ITGB2: variants seen among roughly 807,000 people sequenced by gnomAD.
ITGB2 encodes the protein integrin beta-2.
ITGB2 carries 56 observed loss-of-function variants against 86.8 expected under a neutral mutation model. The observed-to-expected ratio is 0.65, with a 90% CI of 0.52 to 0.81. The LOEUF is 0.81. Among genes scored for constraint, ITGB2 ranks in the 30% least tolerant of loss-of-function variants. The probability of loss-of-function intolerance (pLI) is 0.00; values close to 1 mark genes in which losing one functional copy is unlikely to be tolerated. For missense variants in ITGB2, 948 were observed against 1,061.2 expected, an observed-to-expected ratio of 0.89 and a Z score of 1.48; for synonymous variants, 457 against 450.4, an observed-to-expected ratio of 1.01 and a Z score of -0.19.
At chr21:44,904,721 C>G (rs1242059260) in intron 4 of ITGB2, among the ~76,000 whole-genome samples, 1 of 151,948 alleles carries the variant, frequency 6.6e-6, no homozygotes, top group Admixed American at 6.6e-5. Context: ...ACATGCATGC[C>G]ACACACATAT....
Position 44,886,212 on chromosome 21 carries a change from A to AGT in ITGB2, c.*155_*156insAC. On this transcript the variant is annotated 3_prime_UTR_variant, in exon 16 of 16. Coordinates refer to ENST00000652462, the MANE Select transcript of ITGB2 (RefSeq NM_000211.5). ...GCTGTCCCCCCGACGAGCCCCCAGA[A>AGT]GCACCCGGCCGGCCATGGCTGTCAT... is the stretch of plus-strand genomic sequence containing the variant. 1.4e-6 allele frequency: 1 copy of AGT among 728,424 alleles called. No individual in the cohort carries two copies. Among genetic ancestry groups the AGT allele is most frequent in the Non-Finnish European group, 2.4e-6 (1 of 409,040 alleles). 45.1% of individuals were successfully genotyped at this position (728,424 alleles called of 1,614,324 possible). A position where few individuals can be genotyped will look rare whatever the true frequency, so the allele number is the denominator to read the frequency against.
intron 3 of ITGB2, chr21:44,909,281 C>T (rs1356560666): frequency 6.6e-6 from 1 of 152,308 alleles, no homozygotes; most frequent in Non-Finnish European, 1.5e-5. Flanking sequence ...CAGTGCCTCT[C>T]ATGGGCACTT....
upstream of ITGB2, among the ~76,000 whole-genome samples, chr21:44,925,646 T>C (rs2084363847): frequency 6.6e-6 from 1 of 152,048 alleles, no homozygotes; most frequent in African/African-American, 2.4e-5. Flanking sequence ...TTAAATAATA[T>C]TCAAAATGTC....
At chr21:44,924,886 C>G (rs2084352274), upstream of ITGB2, among the ~76,000 whole-genome samples, 1 of 152,148 alleles carries the variant, frequency 6.6e-6, no homozygotes, top group Non-Finnish European at 1.5e-5. Context: ...TAACATGCAC[C>G]TCGTCCCTGC....
intron 8 of ITGB2, among the ~76,000 whole-genome samples, chr21:44,898,855 G>A (rs532328701): frequency 6.6e-6 from 1 of 152,350 alleles, no homozygotes; most frequent in East Asian, 1.9e-4. Flanking sequence ...TCAGGGACGG[G>A]GAGGAATTCC....
rs965651529 is a variant in ITGB2 at position 44,917,682 on chromosome 21, T to C, written c.-4+3139A>G. On this transcript the variant is annotated intron_variant, in intron 1 of 15. Transcript: ENST00000652462. ...GGGGCTGAGAGCTGCACTCCAGGAC[T>C]CCTGGACTCTGCCCTCTGCTGAGAC... 3.3e-5 allele frequency among the ~76,000 whole-genome samples: 5 copies of C among 152,274 alleles called. No individual in the cohort carries two copies. In the East Asian group the frequency reaches 5.8e-4, roughly 18 times the overall value.
chr21:44,912,471 G>A (rs2084148699), intron 1 of ITGB2, among the ~76,000 whole-genome samples: 1 of 152,208 alleles, frequency 6.6e-6, no homozygotes, highest in Non-Finnish European at 1.5e-5. Flanking sequence ...CTCATTCCCT[G>A]GTTCCCAGCA....
chr21:44,910,473 G>A (rs1175656474), intron 2 of ITGB2, 101 bp from the exon 3 acceptor site: 4 of 1,586,900 alleles, frequency 2.5e-6, no homozygotes, highest in Non-Finnish European at 3.4e-6. Context: ...AAAAAGACAG[G>A]GAGGCAGCCT....
At chr21:44,904,205 C>T (rs575617155) in intron 4 of ITGB2, among the ~76,000 whole-genome samples, 106 of 152,206 alleles carry the variant, frequency 7.0e-4, no homozygotes, top group African/African-American at 2.4e-3. Context: ...CAGCCTTCAG[C>T]CCCCCTGGGC....
intron 4 of ITGB2, among the ~76,000 whole-genome samples, chr21:44,905,062 A>G (rs2084022760): frequency 6.6e-6 from 1 of 152,208 alleles, no homozygotes. Flanking sequence ...GGCAGCCAAG[A>G]CCATGTCCCC....
At chr21:44,922,359 A>C (rs2084317436), upstream of ITGB2, among the ~76,000 whole-genome samples, 1 of 152,080 alleles carries the variant, frequency 6.6e-6, no homozygotes, top group Admixed American at 6.5e-5. Context: ...ATATACCTGA[A>C]AAAAAATATG....
intron 10 of ITGB2, 96 bp from the exon 11 acceptor site, chr21:44,892,092 G>T: frequency 7.9e-7 from 1 of 1,272,104 alleles, no homozygotes; most frequent in South Asian, 1.3e-5. Flanking sequence ...AGGGGTCCTG[G>T]GGGGTTCAGC....
intron 1 of ITGB2, among the ~76,000 whole-genome samples, chr21:44,920,151 C>A (rs991300116): frequency 6.6e-6 from 1 of 152,150 alleles, no homozygotes; most frequent in African/African-American, 2.4e-5. Context: ...TGTGCCACAC[C>A]ACACCACACT....
At chr21:44,889,908 A>G in intron 12 of ITGB2, 70 bp downstream of exon 12, 1 of 1,596,494 alleles carries the variant, frequency 6.3e-7, no homozygotes, top group African/African-American at 1.3e-5. Flanking sequence ...TGAATGGTCC[A>G]GAACGCACCC....
At chr21:44,900,230 G>A in intron 7 of ITGB2, 90 bp downstream of exon 7, 2 of 1,528,082 alleles carry the variant, frequency 1.3e-6, no homozygotes, top group Non-Finnish European at 1.8e-6. Context: ...GGGTCAGAAG[G>A]AGGCTCTGTC....
At chr21:44,902,625 A>C (rs1279282353) in intron 5 of ITGB2, among the ~76,000 whole-genome samples, 1 of 148,062 alleles carries the variant, frequency 6.8e-6, no homozygotes, top group East Asian at 2.0e-4. Flanking sequence ...CCATTTGTGC[A>C]TGTGAGGATA....
intron 1 of ITGB2, among the ~76,000 whole-genome samples, chr21:44,915,890 G>A (rs1354347150): frequency 6.6e-6 from 1 of 152,164 alleles, no homozygotes; most frequent in African/African-American, 2.4e-5. Flanking sequence ...CTGTTGGTTT[G>A]ACTATCTGTG....
Position 44,903,433 on chromosome 21 carries a change from C to T in ITGB2, c.431G>A (p.Arg144Lys), listed in dbSNP as rs1370537342. ...DLSYSMLDDL[R>K]NVKKLGGDLL... ...GTCGCCACCTAGCTTCTTGACATTC[C>T]TGAGGTCATCAAGCATGGAGTAGGA... Residue 144 changes from arginine (R) to lysine (K), a missense_variant, in exon 5 of 16, where the codon AGG becomes AAG. By Grantham distance (26) the Arg-to-Lys change is conservative (BLOSUM62 2). Transcript: ENST00000652462. The T allele has an allele frequency of 2.5e-6, 4 of 1,613,994 alleles. No homozygotes were observed. The highest frequency in any genetic ancestry group is 1.3e-5 in the African/African-American group (1 of 74,902).
intron 1 of ITGB2, among the ~76,000 whole-genome samples, chr21:44,915,056 G>C (rs960393400): frequency 2.6e-5 from 4 of 152,184 alleles, no homozygotes; most frequent in African/African-American, 9.7e-5. Context: ...AGACGGAGTT[G>C]CGCTGTCACC....
Sources: gnomAD v4.1 joint callset for allele counts (sites outside exome capture counted in the v4.1 genomes callset) on GRCh38, gnomAD v4.1.1 for gene constraint, MANE v1.5 for transcripts, NCBI Gene and HGNC (gene_info 2026-07-23, HGNC 2026-07-21) for gene names.